TRAPPC12: variants seen among roughly 807,000 people sequenced by gnomAD.
TRAPPC12 encodes trafficking protein particle complex subunit 12, also known as TPR repeat protein 15.
In TRAPPC12, 61 loss-of-function variants were observed where a neutral mutation model predicts 69.2. The ratio of observed to expected loss-of-function variants is 0.88; its 90% CI spans 0.72 to 1.09. The LOEUF (loss-of-function observed/expected upper bound fraction) is 1.09. TRAPPC12 is among the 50% of genes least tolerant of loss of function. The pLI, the probability that TRAPPC12 is intolerant of heterozygous loss-of-function variation, is 0.00. For synonymous variants in TRAPPC12, 469 were observed against 438.9 expected, an observed-to-expected ratio of 1.07 and a Z score of -0.86; for missense variants, 1,101 against 1,016.4, an observed-to-expected ratio of 1.08 and a Z score of -1.13.
At chr2:3,461,336 C>T (rs1025367471) in intron 8 of TRAPPC12, among the ~76,000 whole-genome samples, 2 of 152,206 alleles carry the variant, frequency 1.3e-5, no homozygotes, top group Non-Finnish European at 2.9e-5. Flanking sequence ...GGAAGACGTG[C>T]AGCCCGCACC....
chr2:3,476,260 A>G (rs1325843339), intron 9 of TRAPPC12, among the ~76,000 whole-genome samples: 1 of 152,196 alleles, frequency 6.6e-6, no homozygotes, highest in East Asian at 1.9e-4. Flanking sequence ...CCTGTTTCCA[A>G]GCTGTGGAGT....
chr2:3,470,148 ACC>A (rs1277043175), intron 9 of TRAPPC12, among the ~76,000 whole-genome samples: 2 of 152,130 alleles, frequency 1.3e-5, no homozygotes, highest in African/African-American at 4.8e-5. Context: ...AGGCAGAGGG[ACC>A]CACATAGCTG....
chr2:3,466,263 A>G (rs1665805775), intron 9 of TRAPPC12: 2 of 471,102 alleles, frequency 4.2e-6, no homozygotes, highest in African/African-American at 4.0e-5. Flanking sequence ...GGCGGAGCAC[A>G]GGGCAGCTTC....
At chr2:3,448,281 C>T (rs1012696257) in intron 6 of TRAPPC12, among the ~76,000 whole-genome samples, 3 of 152,208 alleles carry the variant, frequency 2.0e-5, no homozygotes, top group African/African-American at 7.2e-5. Context: ...CACCACTCTG[C>T]GGTTCTCTGT....
chr2:3,417,928 A>G (rs1572128447), intron 3 of TRAPPC12, among the ~76,000 whole-genome samples: 1 of 84,054 alleles, frequency 1.2e-5, no homozygotes, highest in Non-Finnish European at 2.2e-5. Context: ...CTGTAGTCCC[A>G]GCTACTCAGG....
Position 3,387,853 on chromosome 2 carries a change from A to G in TRAPPC12, c.230A>G (p.Asn77Ser). Residue 77 changes from asparagine (N) to serine (S), a missense_variant, in exon 2 of 12, where the codon AAC (asparagine) becomes AGC (serine). Physicochemically the swap from Asn to Ser is conservative, Grantham distance 46 (BLOSUM62 1). Coordinates refer to ENST00000324266, the MANE Select transcript of TRAPPC12 (RefSeq NM_016030.6). ...AGCGTCCTCATCTCTGACTCCCCCAACAGCGAGGGCGACGCGGGCGACCTG... is the reference window on the plus strand; with the variant it reads ...AGCGTCCTCATCTCTGACTCCCCCAGCAGCGAGGGCGACGCGGGCGACCTG... ...MESVLISDSP[N>S]SEGDAGDLGR... 1.2e-6 allele frequency: 2 copies of G among 1,602,596 alleles called. No homozygotes were observed. The highest frequency in any genetic ancestry group is 1.3e-5 in the African/African-American group (1 of 74,680).
At chr2:3,463,021 C>G (rs1572199068) in intron 8 of TRAPPC12, 1 of 459,534 alleles carries the variant, frequency 2.2e-6, no homozygotes, top group Non-Finnish European at 4.6e-6. Flanking sequence ...ACACGTGTGG[C>G]TGCTGAAAAG....
intron 2 of TRAPPC12, among the ~76,000 whole-genome samples, chr2:3,390,688 C>A (rs937082435): frequency 1.3e-5 from 2 of 152,170 alleles, no homozygotes; most frequent in South Asian, 4.2e-4. Flanking sequence ...TTTACCAAAC[C>A]CATGGAAAGT....
In TRAPPC12 at chr2:3,469,815, G is replaced by A. The variant is rs931981151; in HGVS notation, c.1776+4120G>A. Among the ~76,000 whole-genome samples the A allele has an allele frequency of 6.6e-5, 10 of 152,328 alleles. No individual in the cohort carries two copies. The South Asian group carries it at 1.7e-3, about 25-fold the overall frequency. ...TGACAGGTGGGAAATGGACAGAATC[G>A]GGGAAGGCAGGGCCAGCAGCAGTCA... On this transcript the variant is annotated intron_variant, in intron 9 of 11. Transcript: ENST00000324266.
At chr2:3,392,971 G>A (rs1180199042) in intron 2 of TRAPPC12, among the ~76,000 whole-genome samples, 3 of 152,226 alleles carry the variant, frequency 2.0e-5, no homozygotes, top group Non-Finnish European at 4.4e-5. Flanking sequence ...AATTTGGTAT[G>A]TAGTGGCTCA....
intron 3 of TRAPPC12, among the ~76,000 whole-genome samples, chr2:3,419,787 C>T (rs1339567736): frequency 6.6e-6 from 1 of 152,196 alleles, no homozygotes; most frequent in African/African-American, 2.4e-5. Context: ...GGAAAAACTC[C>T]ATGAGAGAAC....
intron 9 of TRAPPC12, among the ~76,000 whole-genome samples, chr2:3,470,489 AG>A (rs1398082575): frequency 6.6e-6 from 1 of 152,254 alleles, no homozygotes; most frequent in East Asian, 1.9e-4. Context: ...TGGGCACTGC[AG>A]TGTGAATCTT....
At chr2:3,427,894 C>CAA (rs11338736) in intron 5 of TRAPPC12, among the ~76,000 whole-genome samples, 2 of 143,268 alleles carry the variant, frequency 1.4e-5, no homozygotes, top group Non-Finnish European at 3.0e-5. Context: ...CTCTGTCCCA[C>CAA]AAAAAAAAAA....
chr2:3,424,119 G>A (rs561078722), intron 4 of TRAPPC12, among the ~76,000 whole-genome samples: 13 of 152,308 alleles, frequency 8.5e-5, no homozygotes, highest in African/African-American at 3.1e-4. Context: ...TCATTTTCAT[G>A]ACACCTAGCA....
chr2:3,388,604 G>A lies in TRAPPC12; in HGVS notation c.981G>A (p.Gln327=). The A allele has an allele frequency of 6.2e-7, 1 of 1,605,468 alleles. No homozygotes were observed. The highest frequency in any genetic ancestry group is 8.5e-7 in the Non-Finnish European group (1 of 1,175,302). The change falls in exon 2 of 12, where the codon CAG becomes CAA. Residue 327 remains glutamine (Q), a synonymous_variant. Transcript: ENST00000324266. The part of the protein sequence containing the change: ...RGVLRAVATQ[Q]RGAVFVDKEN... The stretch of plus-strand genomic sequence containing the variant: ...TCCTGCGGGCCGTGGCCACCCAGCA[G>A]CGCGGCGCCGTGTTCGTGGACAAGG...
At chr2:3,422,171 T>C (rs1195691345) in intron 4 of TRAPPC12, among the ~76,000 whole-genome samples, 177 bp downstream of exon 4, 1 of 152,238 alleles carries the variant, frequency 6.6e-6, no homozygotes, top group Non-Finnish European at 1.5e-5. Flanking sequence ...CTTCGGCCCG[T>C]CAGGATGCCT....
At chr2:3,388,715 C>T (rs969966373) in intron 2 of TRAPPC12, 45 bp downstream of exon 2, 46 of 1,475,516 alleles carry the variant, frequency 3.1e-5, no homozygotes, top group Admixed American at 8.4e-5. Flanking sequence ...CTCCTCTCTG[C>T]GTCTGTGAGA....
intron 5 of TRAPPC12, among the ~76,000 whole-genome samples, chr2:3,436,547 A>G (rs1663795771): frequency 6.6e-6 from 1 of 152,084 alleles, no homozygotes. Context: ...GCATTAGCGT[A>G]GAACTTTTAT....
intron 3 of TRAPPC12, among the ~76,000 whole-genome samples, 187 bp downstream of exon 3, chr2:3,402,080 A>G (rs62120499): frequency 0.37 from 57,033 of 152,116 alleles, 11,639 homozygotes; most frequent in Non-Finnish European, 0.47. Flanking sequence ...GATACTTTTA[A>G]GCCTAATTAG....
Sources: allele counts gnomAD v4.1 joint callset (sites outside exome capture counted in the v4.1 genomes callset), GRCh38; gene constraint gnomAD v4.1.1; transcripts MANE v1.5; gene names NCBI Gene and HGNC (gene_info 2026-07-23, HGNC 2026-07-21).